The following BTRC variants were observed in gnomAD, a reference collection of about 807,000 sequenced individuals.
BTRC encodes beta-transducin repeat containing E3 ubiquitin protein ligase, also known as F-box/WD repeat-containing protein 1A.
A neutral mutation model predicts 85.5 loss-of-function variants in BTRC; 42 were observed. The ratio of observed to expected loss-of-function variants is 0.49; its 90% CI spans 0.38 to 0.64. BTRC has a LOEUF of 0.64. Among genes scored for constraint, BTRC ranks in the 30% least tolerant of loss-of-function variants. BTRC has a pLI of 0.00. For missense variants in BTRC, 594 were observed against 743.5 expected (o/e 0.80, Z 2.34); for synonymous variants, 255 against 263.3 (o/e 0.97, Z 0.30).
At chr10:101,380,463 C>A (rs1010626163) in intron 1 of BTRC, among the ~76,000 whole-genome samples, 6 of 152,090 alleles carry the variant, frequency 3.9e-5, no homozygotes, top group African/African-American at 1.4e-4. Flanking sequence ...GCTGTGCCTT[C>A]ACACTTGGAG....
intron 6 of BTRC, among the ~76,000 whole-genome samples, chr10:101,529,913 C>T (rs556032387): frequency 9.2e-5 from 14 of 152,176 alleles, no homozygotes; most frequent in Non-Finnish European, 1.8e-4. Flanking sequence ...TTCTGCCTCT[C>T]TCCACTTTGC....
rs1564729603 is a variant in BTRC, at chr10:101,366,784, A to ATTTT, written c.48+12557_48+12558insTTTT. Among the ~76,000 whole-genome samples, 83 of 73,126 alleles carry ATTTT rather than the reference A, an allele frequency of 1.1e-3. 3 individuals carry two copies. Among genetic ancestry groups the ATTTT allele is most frequent in the Middle Eastern group, 7.1e-3 (1 of 140 alleles). The allele number at this position is 73,126 out of a possible 152,430, so 48.0% of individuals were successfully genotyped here. On this transcript the variant is annotated intron_variant, in intron 1 of 14. Coordinates refer to ENST00000370187, the MANE Select transcript of BTRC (RefSeq NM_033637.4). Reference sequence around the variant, plus strand: ...AATCTAGTTATATATATATATATATATATATTTTTACATTTATATATATAT... The same window carrying ATTTT: ...AATCTAGTTATATATATATATATATATTTTTATATTTTTACATTTATATATATAT...
chr10:101,505,390 C>T (rs1422224345), intron 4 of BTRC, among the ~76,000 whole-genome samples: 4 of 150,518 alleles, frequency 2.7e-5, no homozygotes, highest in African/African-American at 7.3e-5. Context: ...GAGGCCGAGG[C>T]GGGCGGATCA....
chr10:101,502,129 G>T (rs74669119), intron 4 of BTRC, among the ~76,000 whole-genome samples: 2,204 of 152,264 alleles, frequency 0.014, 48 homozygotes, highest in African/African-American at 0.051. Flanking sequence ...GCTGACAACA[G>T]CCAGAATTTT....
chr10:101,387,528 C>CTTTTTTTTTTTTTTTTTTTTTTT (rs535656002), intron 1 of BTRC, among the ~76,000 whole-genome samples: 740 of 44,992 alleles, frequency 0.016, 198 homozygotes, highest in East Asian at 0.06. Context: ...CTTCATGGGA[C>CTTTTTTTTTTTTTTTTTTTTTTT]TTTTTTTTTT....
At chr10:101,456,292 G>A (rs1945081544) in intron 2 of BTRC, among the ~76,000 whole-genome samples, 1 of 152,132 alleles carries the variant, frequency 6.6e-6, no homozygotes, top group Non-Finnish European at 1.5e-5. Context: ...GGTGTTGTGG[G>A]TCTGGACTAG....
At chr10:101,396,425 T>G (rs1564746569) in intron 1 of BTRC, among the ~76,000 whole-genome samples, 1 of 150,224 alleles carries the variant, frequency 6.7e-6, no homozygotes, top group Non-Finnish European at 1.5e-5. Context: ...TTTTTTTTTT[T>G]GGTAGAGACA....
At chr10:101,369,112 A>T (rs1942561176) in intron 1 of BTRC, among the ~76,000 whole-genome samples, 3 of 152,068 alleles carry the variant, frequency 2.0e-5, no homozygotes, top group Admixed American at 2.0e-4. Context: ...TTCCTTAATG[A>T]CTACTGTAAA....
At chr10:101,531,423 G>A in intron 7 of BTRC, 90 bp downstream of exon 7, 1 of 1,003,396 alleles carries the variant, frequency 1.0e-6, no homozygotes, top group East Asian at 2.6e-5. Context: ...AGCCCATTAA[G>A]GTTTATTGAC....
intron 4 of BTRC, among the ~76,000 whole-genome samples, chr10:101,512,549 T>G (rs1177932902): frequency 2.6e-5 from 4 of 152,226 alleles, no homozygotes; most frequent in Non-Finnish European, 5.9e-5. Flanking sequence ...CACTATGTAT[T>G]TCCCAACCTA....
chr10:101,389,345 A>T (rs1943177977), intron 1 of BTRC, among the ~76,000 whole-genome samples: 1 of 151,806 alleles, frequency 6.6e-6, no homozygotes, highest in Admixed American at 6.6e-5. Flanking sequence ...ACTTTGGGTT[A>T]TTATCATTTC....
At chr10:101,416,553 G>T (rs1943951351) in intron 1 of BTRC, among the ~76,000 whole-genome samples, 1 of 152,068 alleles carries the variant, frequency 6.6e-6, no homozygotes, top group Admixed American at 6.6e-5. Flanking sequence ...CTGAGTTGTT[G>T]TTGTTGTTAT....
chr10:101,467,557 T>A (rs1430147992), intron 3 of BTRC, among the ~76,000 whole-genome samples: 2 of 152,156 alleles, frequency 1.3e-5, no homozygotes, highest in Non-Finnish European at 2.9e-5. Context: ...AAACTATGCT[T>A]AAGGGACTGT....
intron 4 of BTRC, among the ~76,000 whole-genome samples, chr10:101,491,946 T>C (rs943767762): frequency 2.6e-5 from 4 of 152,054 alleles, no homozygotes; most frequent in Non-Finnish European, 5.9e-5. Context: ...ATTACTATTT[T>C]GTGTGTATGT....
At chr10:101,395,076 A>G (rs926539473) in intron 1 of BTRC, among the ~76,000 whole-genome samples, 1 of 152,154 alleles carries the variant, frequency 6.6e-6, no homozygotes, top group Non-Finnish European at 1.5e-5. Flanking sequence ...TCTTGTGTAT[A>G]GCCTAGGATC....
At chr10:101,488,535 A>G (rs1304150484) in intron 4 of BTRC, among the ~76,000 whole-genome samples, 1 of 152,222 alleles carries the variant, frequency 6.6e-6, no homozygotes, top group Non-Finnish European at 1.5e-5. Context: ...TATAGAAGAC[A>G]TAAATGAGCA....
intron 2 of BTRC, 138 bp from the exon 3 acceptor site, chr10:101,461,843 T>C: frequency 1.7e-6 from 1 of 573,242 alleles, no homozygotes; most frequent in Non-Finnish European, 3.1e-6. Context: ...TATCTGTATG[T>C]ATACAAATCT....
intron 1 of BTRC, among the ~76,000 whole-genome samples, chr10:101,396,557 C>T (rs923268885): frequency 6.6e-6 from 1 of 151,660 alleles, no homozygotes; most frequent in African/African-American, 2.4e-5. Flanking sequence ...TGTTGGATTA[C>T]GACAGCAAAA....
chr10:101,408,528 A>G (rs781085433), intron 1 of BTRC, among the ~76,000 whole-genome samples: 4 of 152,146 alleles, frequency 2.6e-5, no homozygotes, highest in African/African-American at 4.8e-5. Context: ...GCTGGTCTCC[A>G]ACTCATGGAC....
Sources: gnomAD v4.1 joint callset for allele counts (sites outside exome capture counted in the v4.1 genomes callset) on GRCh38, gnomAD v4.1.1 for gene constraint, MANE v1.5 for transcripts, NCBI Gene and HGNC (gene_info 2026-07-23, HGNC 2026-07-21) for gene names.